Variants in GSE1 observed in about 807,000 individuals in gnomAD.
GSE1 encodes the protein Gse1 coiled-coil protein.
In GSE1, 32 loss-of-function variants were observed where a neutral mutation model predicts 112.6. That is an observed-to-expected ratio of 0.28 (90% CI 0.21 to 0.38). The LOEUF (loss-of-function observed/expected upper bound fraction) is 0.38. GSE1 is among the 10% of genes least tolerant of loss of function. The pLI, the probability that GSE1 is intolerant of heterozygous loss-of-function variation, is 1.00. For synonymous variants in GSE1, 1,115 were observed against 735.6 expected (o/e 1.52, Z -8.35); for missense variants, 2,348 against 1,699.2 (o/e 1.38, Z -6.71).
intron 1 of GSE1, among the ~76,000 whole-genome samples, chr16:85,321,440 C>T (rs1297506452): frequency 6.6e-6 from 1 of 152,054 alleles, no homozygotes; most frequent in East Asian, 1.9e-4. Context: ...AAGAATTCTG[C>T]CAGCAATGTA....
chr16:85,475,563 A>C (rs907541118), intron 2 of GSE1, among the ~76,000 whole-genome samples: 1 of 152,162 alleles, frequency 6.6e-6, no homozygotes, highest in African/African-American at 2.4e-5. Context: ...CAGCCTTCAG[A>C]AGCTGGATTA....
intron 1 of GSE1, among the ~76,000 whole-genome samples, chr16:85,181,349 G>A (rs558914888): frequency 6.6e-6 from 1 of 152,356 alleles, no homozygotes; most frequent in East Asian, 1.9e-4. Context: ...GTTCGGGGTG[G>A]AGGTGCCAGC....
intron 2 of GSE1, among the ~76,000 whole-genome samples, chr16:85,543,125 T>C (rs1316114997): frequency 2.0e-5 from 3 of 151,798 alleles, no homozygotes; most frequent in Middle Eastern, 3.4e-3. Context: ...GGCAGGAGAA[T>C]TGCTTGATCC....
At chr16:85,553,764 A>C (rs913483000), upstream of GSE1, among the ~76,000 whole-genome samples, 1 of 152,134 alleles carries the variant, frequency 6.6e-6, no homozygotes, top group Non-Finnish European at 1.5e-5. Flanking sequence ...TGGAGAGGTC[A>C]AAAGGCACGC....
At chr16:85,356,518 A>G (rs1245935688) in intron 1 of GSE1, among the ~76,000 whole-genome samples, 2 of 152,232 alleles carry the variant, frequency 1.3e-5, no homozygotes, top group Non-Finnish European at 2.9e-5. Context: ...TTAGTAAGCC[A>G]CAGGTGAGAC....
intron 1 of GSE1, among the ~76,000 whole-genome samples, chr16:85,623,720 C>T (rs954453048): frequency 5.3e-5 from 8 of 152,312 alleles, no homozygotes; most frequent in Admixed American, 2.0e-4. Flanking sequence ...AGGGAAGGGA[C>T]GTTTTCCAGT....
chr16:85,467,028 C>G (rs7204674), intron 2 of GSE1, among the ~76,000 whole-genome samples: 73,172 of 152,170 alleles, frequency 0.48, 19,258 homozygotes, highest in Non-Finnish European at 0.59. Context: ...CCACTGCACT[C>G]CAGCCTGGGC....
chr16:85,210,718 G>A (rs1212395953), intron 1 of GSE1, among the ~76,000 whole-genome samples: 1 of 152,220 alleles, frequency 6.6e-6, no homozygotes, highest in Non-Finnish European at 1.5e-5. Context: ...TTGGGAAGCT[G>A]CATGAGGCTG....
chr16:85,625,814 G>A (rs531547918), intron 1 of GSE1, among the ~76,000 whole-genome samples: 153 of 152,282 alleles, frequency 1.0e-3, no homozygotes, highest in African/African-American at 3.4e-3. Context: ...GTGGCTCTAC[G>A]TGGTTGACCG....
chr16:85,325,859 C>T (rs1391179150), intron 1 of GSE1, among the ~76,000 whole-genome samples: 4 of 151,870 alleles, frequency 2.6e-5, no homozygotes, highest in South Asian at 2.1e-4. Context: ...AGGGTTCAAG[C>T]GATTCTCCTG....
chr16:85,297,221 A>G (rs573652294), intron 1 of GSE1, among the ~76,000 whole-genome samples: 1 of 152,348 alleles, frequency 6.6e-6, no homozygotes, highest in South Asian at 2.1e-4. Flanking sequence ...TGCTCGGAGC[A>G]TCTGTACAGA....
chr16:85,399,710 A>G (rs1038417), intron 2 of GSE1, among the ~76,000 whole-genome samples: 135,753 of 152,294 alleles, frequency 0.89, 61,988 homozygotes, highest in Non-Finnish European at 1. Context: ...TGCCGCAGAC[A>G]GTGAAACGGG....
At chr16:85,240,296 A>G (rs4783154) in intron 1 of GSE1, among the ~76,000 whole-genome samples, 72,665 of 151,980 alleles carry the variant, frequency 0.48, 17,519 homozygotes, top group Middle Eastern at 0.58. Context: ...CTGGAATCCC[A>G]CACCTTCCCT....
intron 1 of GSE1, among the ~76,000 whole-genome samples, chr16:85,337,886 T>C (rs977170842): frequency 6.6e-6 from 1 of 152,388 alleles, no homozygotes; most frequent in Admixed American, 6.5e-5. Context: ...TGAAAACCAC[T>C]GGCCAAAGCC....
intron 1 of GSE1, among the ~76,000 whole-genome samples, chr16:85,567,088 C>G (rs2045787142): frequency 6.8e-6 from 1 of 148,034 alleles, no homozygotes; most frequent in Non-Finnish European, 1.5e-5. Context: ...AATTTCTCTC[C>G]TGGAAAGTTT....
intron 1 of GSE1, among the ~76,000 whole-genome samples, chr16:85,624,995 G>A (rs891450316): frequency 2.6e-5 from 4 of 152,158 alleles, no homozygotes; most frequent in African/African-American, 4.8e-5. Flanking sequence ...GGTAGCCGGC[G>A]CCCTGTAAAA....
At chr16:85,578,259 T>C (rs112961394) in intron 1 of GSE1, among the ~76,000 whole-genome samples, 7,053 of 152,318 alleles carry the variant, frequency 0.046, 429 homozygotes, top group Admixed American at 0.13. Context: ...GTTTTATGGC[T>C]GGAGGGATAA....
In GSE1 at chr16:85,295,237, A is replaced by G. The variant is rs564179482; in HGVS notation, c.2284-62226A>G. ...ACACCGGTCCACCTTCTGCCTGAGG[A>G]TGGCCTGTGCTGGGCATTTCCTGGG... On this transcript the variant is annotated intron_variant, in intron 1 of 2. Transcript: ENST00000637419. Among the ~76,000 whole-genome samples the G allele has an allele frequency of 2.1e-3, 325 of 152,294 alleles. 1 individual carries two copies. Among genetic ancestry groups the G allele is most frequent in the African/African-American group, 7.2e-3 (299 of 41,566 alleles).
At chr16:85,313,270 G>A (rs1002957436) in intron 1 of GSE1, among the ~76,000 whole-genome samples, 6 of 152,128 alleles carry the variant, frequency 3.9e-5, no homozygotes, top group South Asian at 2.1e-4. Context: ...GACCTGCCCT[G>A]CTTCTCCTTG....
Sources: allele counts gnomAD v4.1 joint callset (sites outside exome capture counted in the v4.1 genomes callset), GRCh38; gene constraint gnomAD v4.1.1; transcripts MANE v1.5; gene names NCBI Gene and HGNC (gene_info 2026-07-23, HGNC 2026-07-21).